The following MAF variants were observed in gnomAD, a reference collection of about 807,000 sequenced individuals.
The protein encoded by MAF is MAF bZIP transcription factor, also known as transcription factor Maf.
A neutral mutation model predicts 22.0 loss-of-function variants in MAF; 10 were observed. That is an observed-to-expected ratio of 0.45 (90% CI 0.28 to 0.77). The LOEUF (loss-of-function observed/expected upper bound fraction) is 0.77, where lower values mean the gene tolerates loss of function less well. Among genes scored for constraint, MAF ranks in the 30% least tolerant of loss-of-function variants. The pLI, the probability that MAF is intolerant of heterozygous loss-of-function variation, is 0.12. For missense variants in MAF, 544 were observed against 548.4 expected (o/e 0.99, Z 0.08); for synonymous variants, 337 against 255.8 (o/e 1.32, Z -3.03).
the MAF span, among the ~76,000 whole-genome samples, chr16:79,552,543 G>T: frequency 6.6e-6 from 1 of 152,146 alleles, no homozygotes; most frequent in Non-Finnish European, 1.5e-5. Context: ...GCTACTAAGA[G>T]AATTCTTTAT....
the MAF span, among the ~76,000 whole-genome samples, chr16:79,266,197 A>G: frequency 6.6e-6 from 1 of 152,186 alleles, no homozygotes; most frequent in South Asian, 2.1e-4. Flanking sequence ...TGAGGGACAG[A>G]GCCAAAGCTG....
At chr16:79,242,234 C>T in the MAF span, among the ~76,000 whole-genome samples, 16 of 151,744 alleles carry the variant, frequency 1.1e-4, no homozygotes, top group African/African-American at 1.2e-4. Flanking sequence ...AATTAAAAGA[C>T]ACAGGCTGGC....
At chr16:79,492,754 G>A in the MAF span, among the ~76,000 whole-genome samples, 3 of 152,088 alleles carry the variant, frequency 2.0e-5, no homozygotes, top group Admixed American at 6.6e-5. Flanking sequence ...ACTCATGGGA[G>A]AAAGAGGCCA....
At chr16:79,213,110 TGATTTCCAG>T in the MAF span, among the ~76,000 whole-genome samples, 1 of 152,196 alleles carries the variant, frequency 6.6e-6, no homozygotes. Context: ...ATGGACACCA[TGATTTCCAG>T]CCCGTTCCAG....
chr16:79,565,744 T>G, the MAF span, among the ~76,000 whole-genome samples: 1 of 152,206 alleles, frequency 6.6e-6, no homozygotes, highest in South Asian at 2.1e-4. Context: ...CTTTATAAAT[T>G]ACCCAGTCCC....
chr16:79,206,622 C>G, the MAF span: 1 of 152,190 alleles, frequency 6.6e-6, no homozygotes, highest in East Asian at 1.9e-4. Context: ...ACTGAAAAAG[C>G]CGGGCAGTTT....
At chr16:79,297,348 A>G in the MAF span, among the ~76,000 whole-genome samples, 2 of 152,230 alleles carry the variant, frequency 1.3e-5, no homozygotes, top group Admixed American at 6.5e-5. Flanking sequence ...TGAAGAATTG[A>G]TTCAGCATTT....
chr16:79,350,328 C>G, the MAF span, among the ~76,000 whole-genome samples: 1 of 152,176 alleles, frequency 6.6e-6, no homozygotes, highest in Non-Finnish European at 1.5e-5. Flanking sequence ...ATAGAACAAT[C>G]CTTGACCTTA....
the MAF span, among the ~76,000 whole-genome samples, chr16:79,493,206 G>A: frequency 2.7e-4 from 41 of 149,968 alleles, no homozygotes; most frequent in African/African-American, 7.8e-4. Context: ...TTTTTGAGAC[G>A]GAGTCTCACT....
the MAF span, among the ~76,000 whole-genome samples, chr16:79,504,167 T>C: frequency 7.2e-5 from 11 of 152,350 alleles, no homozygotes; most frequent in East Asian, 1.9e-3. Context: ...CGTTATGCTG[T>C]AGCCTGAGTT....
chr16:79,492,682 G>A, the MAF span, among the ~76,000 whole-genome samples: 4 of 151,610 alleles, frequency 2.6e-5, no homozygotes, highest in Non-Finnish European at 4.4e-5. Context: ...CACAACTGCC[G>A]TTCAGCAAGA....
chr16:79,497,898 G>A, the MAF span, among the ~76,000 whole-genome samples: 1 of 152,202 alleles, frequency 6.6e-6, no homozygotes, highest in African/African-American at 2.4e-5. Context: ...ATTGACTCAT[G>A]TATTTCACCA....
chr16:79,374,608 C>T, the MAF span, among the ~76,000 whole-genome samples: 1 of 152,148 alleles, frequency 6.6e-6, no homozygotes, highest in Admixed American at 6.5e-5. Flanking sequence ...TATAGGACTG[C>T]CACAATGAAG....
chr16:79,290,743 T>G, the MAF span, among the ~76,000 whole-genome samples: 1 of 152,116 alleles, frequency 6.6e-6, no homozygotes, highest in Non-Finnish European at 1.5e-5. Flanking sequence ...TTTTTTCCTT[T>G]GGAATCTAGA....
At chr16:79,397,878 C>T in the MAF span, among the ~76,000 whole-genome samples, 7 of 152,192 alleles carry the variant, frequency 4.6e-5, no homozygotes, top group African/African-American at 1.4e-4. Flanking sequence ...ACCTACCTAA[C>T]CAAGGTGACC....
chr16:79,406,885 C>T, the MAF span, among the ~76,000 whole-genome samples: 1 of 152,298 alleles, frequency 6.6e-6, no homozygotes, highest in Non-Finnish European at 1.5e-5. Context: ...CCTGATGAGA[C>T]TTGCCCCACA....
At chr16:79,235,782 C>G in the MAF span, among the ~76,000 whole-genome samples, 2 of 151,908 alleles carry the variant, frequency 1.3e-5, no homozygotes, top group East Asian at 3.9e-4. Flanking sequence ...TGAAAAATGC[C>G]TCACACCACA....
At chr16:79,433,684 G>C in the MAF span, among the ~76,000 whole-genome samples, 1 of 152,140 alleles carries the variant, frequency 6.6e-6, no homozygotes, top group Non-Finnish European at 1.5e-5. Flanking sequence ...GTTCTCAACT[G>C]ACCGACTGCC....
the MAF span, among the ~76,000 whole-genome samples, chr16:79,251,856 A>T: frequency 0.17 from 25,624 of 152,126 alleles, 3,593 homozygotes; most frequent in African/African-American, 0.39. Flanking sequence ...TTTAAAAAAA[A>T]TTTTTTTGTA....
Sources: gnomAD v4.1 joint callset for allele counts (sites outside exome capture counted in the v4.1 genomes callset) on GRCh38, gnomAD v4.1.1 for gene constraint, MANE v1.5 for transcripts, NCBI Gene and HGNC (gene_info 2026-07-23, HGNC 2026-07-21) for gene names.